GPR158: variants seen among roughly 807,000 people sequenced by gnomAD.
The protein encoded by GPR158 is G protein-coupled receptor 158.
Under a neutral mutation model 78.2 loss-of-function variants are expected in GPR158, and 30 were observed. That is an observed-to-expected ratio of 0.38 (90% CI 0.29 to 0.52). The LOEUF (loss-of-function observed/expected upper bound fraction) is 0.52. Ranked by LOEUF, GPR158 falls within the 20% of genes least tolerant of loss-of-function variation. The probability of loss-of-function intolerance (pLI) is 0.83; values close to 1 mark genes in which losing one functional copy is unlikely to be tolerated. For synonymous variants in GPR158, 581 were observed against 591.1 expected (o/e 0.98, Z 0.25); for missense variants, 1,463 against 1,523.5 (o/e 0.96, Z 0.66).
intron 2 of GPR158, among the ~76,000 whole-genome samples, chr10:25,227,372 A>G (rs1204645701): frequency 6.6e-6 from 1 of 152,194 alleles, no homozygotes; most frequent in Non-Finnish European, 1.5e-5. Flanking sequence ...CTCTTTTACT[A>G]TTAAAATACA....
At chr10:25,219,806 A>C (rs765096851) in intron 1 of GPR158, among the ~76,000 whole-genome samples, 4 of 152,238 alleles carry the variant, frequency 2.6e-5, no homozygotes, top group Non-Finnish European at 5.9e-5. Context: ...GAAATGAGTC[A>C]TAAGATGTGT....
intron 2 of GPR158, among the ~76,000 whole-genome samples, chr10:25,252,911 G>T (rs1392208681): frequency 6.6e-6 from 1 of 152,212 alleles, no homozygotes; most frequent in African/African-American, 2.4e-5. Context: ...CCCTCCCCCA[G>T]CCTCGCTGCC....
In GPR158 at chr10:25,598,996, G is replaced by T. The variant is rs1047586610; in HGVS notation, c.3370G>T (p.Ala1124Ser). The T allele has an allele frequency of 6.2e-7, 1 of 1,614,046 alleles. No individual in the cohort carries two copies. Among genetic ancestry groups the T allele is most frequent in the Admixed American group, 1.7e-5 (1 of 59,996 alleles). Residue 1124 changes from alanine (A) to serine (S), a missense_variant, in exon 11 of 11, where the codon GCT (alanine) becomes TCT (serine). Coordinates refer to ENST00000376351, the MANE Select transcript of GPR158 (RefSeq NM_020752.3). ...AGQSEELPPK[A>S]VASKTENENL... ...GCAGAGCGAAGAACTGCCCCCCAAA[G>T]CTGTAGCATCAAAAACAGAGAATGA...
At chr10:25,340,443 C>A (rs747358476) in intron 2 of GPR158, among the ~76,000 whole-genome samples, 2 of 151,972 alleles carry the variant, frequency 1.3e-5, no homozygotes, top group Admixed American at 1.3e-4. Flanking sequence ...CAGAAACATT[C>A]CAGTCAGAGG....
chr10:25,422,136 C>T (rs1401805506), intron 4 of GPR158, among the ~76,000 whole-genome samples: 3 of 152,130 alleles, frequency 2.0e-5, no homozygotes, highest in African/African-American at 4.8e-5. Flanking sequence ...ATGGCAACAA[C>T]GTGGCTCTGG....
At chr10:25,264,389 G>C (rs898482295) in intron 2 of GPR158, among the ~76,000 whole-genome samples, 1 of 152,190 alleles carries the variant, frequency 6.6e-6, no homozygotes, top group Non-Finnish European at 1.5e-5. Context: ...GGAGAAGTCA[G>C]GTGGAGAGAG....
chr10:25,235,723 G>T (rs1216490694), intron 2 of GPR158, among the ~76,000 whole-genome samples: 1 of 136,834 alleles, frequency 7.3e-6, no homozygotes, highest in Non-Finnish European at 1.5e-5. Flanking sequence ...TTGAGACGGA[G>T]TATCTCTCTG....
intron 5 of GPR158, among the ~76,000 whole-genome samples, chr10:25,497,471 C>T (rs1835897312): frequency 6.6e-6 from 1 of 152,132 alleles, no homozygotes; most frequent in Non-Finnish European, 1.5e-5. Flanking sequence ...AATAGGGAAG[C>T]ATTAACCATT....
chr10:25,414,452 C>A (rs773522756), intron 4 of GPR158, among the ~76,000 whole-genome samples: 2 of 151,966 alleles, frequency 1.3e-5, no homozygotes, highest in African/African-American at 4.8e-5. Context: ...GGTCACCTTT[C>A]GAAGAATCAG....
At chr10:25,339,297 T>G (rs1855270464) in intron 2 of GPR158, among the ~76,000 whole-genome samples, 1 of 152,108 alleles carries the variant, frequency 6.6e-6, no homozygotes, top group South Asian at 2.1e-4. Flanking sequence ...ATTTCTAAAT[T>G]TTTTAATGTT....
At chr10:25,319,111 T>G (rs1854906738) in intron 2 of GPR158, among the ~76,000 whole-genome samples, 1 of 152,224 alleles carries the variant, frequency 6.6e-6, no homozygotes, top group Admixed American at 6.5e-5. Context: ...GTTCTCTTTG[T>G]GCACCAGGGT....
At chr10:25,563,056 C>T (rs972553289) in intron 6 of GPR158, among the ~76,000 whole-genome samples, 7 of 151,964 alleles carry the variant, frequency 4.6e-5, no homozygotes, top group Non-Finnish European at 8.8e-5. Context: ...CAAATGTTAC[C>T]TTATAGTATA....
At chr10:25,522,393 C>G (rs1280766488) in intron 5 of GPR158, among the ~76,000 whole-genome samples, 2 of 152,154 alleles carry the variant, frequency 1.3e-5, no homozygotes, top group Non-Finnish European at 2.9e-5. Context: ...TGTAGGCTTA[C>G]TTTTTTATAA....
At chr10:25,328,123 A>G (rs1417292017) in intron 2 of GPR158, among the ~76,000 whole-genome samples, 2 of 152,322 alleles carry the variant, frequency 1.3e-5, no homozygotes, top group South Asian at 2.1e-4. Flanking sequence ...TTTACTTGGA[A>G]TGTACCTGAA....
chr10:25,419,635 A>G (rs1298486722), intron 4 of GPR158, among the ~76,000 whole-genome samples: 1 of 152,132 alleles, frequency 6.6e-6, no homozygotes, highest in African/African-American at 2.4e-5. Context: ...TCCATACCCT[A>G]ACCTACATTT....
Position 25,241,388 on chromosome 10 carries a change from TCTCTTCTCTTCTCTTCTCTTCTC to T in GPR158, c.1008+20232_1008+20254del, listed in dbSNP as rs1202600804. 5.6e-4 allele frequency among the ~76,000 whole-genome samples: 78 copies of T among 138,178 alleles called. 1 individual carries two copies. Among genetic ancestry groups the T allele is most frequent in the African/African-American group, 2.3e-3 (75 of 32,998 alleles). The allele number at this position is 138,178 out of a possible 152,430, so 90.7% of individuals were successfully genotyped here. Reference sequence around the variant, plus strand: ...TTTTCTTTTCTCTCTTCTCTTCTCTTCTCTTCTCTTCTCTTCTCTTCTCTTTTCTTTTCTTTTCTTTTCTTTTC... The same window carrying T: ...TTTTCTTTTCTCTCTTCTCTTCTCTTTTTTCTTTTCTTTTCTTTTCTTTTC... On this transcript the variant is annotated intron_variant, in intron 2 of 10. Coordinates refer to ENST00000376351, the MANE Select transcript of GPR158 (RefSeq NM_020752.3).
chr10:25,280,680 A>G (rs1453008710), intron 2 of GPR158, among the ~76,000 whole-genome samples: 1 of 152,184 alleles, frequency 6.6e-6, no homozygotes, highest in Non-Finnish European at 1.5e-5. Context: ...GTTGACCATG[A>G]AGCCATAAAT....
At chr10:25,252,307 C>G (rs989058164) in intron 2 of GPR158, among the ~76,000 whole-genome samples, 5 of 152,026 alleles carry the variant, frequency 3.3e-5, no homozygotes, top group African/African-American at 7.2e-5. Context: ...GCCTTCTTCT[C>G]TCAGCTCGTC....
intron 4 of GPR158, among the ~76,000 whole-genome samples, chr10:25,459,912 A>G (rs1835335626): frequency 6.6e-6 from 1 of 152,194 alleles, no homozygotes; most frequent in South Asian, 2.1e-4. Flanking sequence ...AAAGTGGGGA[A>G]GTTGGGATGG....
Sources: gnomAD v4.1 joint callset for allele counts (sites outside exome capture counted in the v4.1 genomes callset) on GRCh38, gnomAD v4.1.1 for gene constraint, MANE v1.5 for transcripts, NCBI Gene and HGNC (gene_info 2026-07-23, HGNC 2026-07-21) for gene names.